The following SETDB1 variants were observed in gnomAD, a reference collection of about 807,000 sequenced individuals.
The protein encoded by SETDB1 is SET domain bifurcated histone lysine methyltransferase 1.
Under a neutral mutation model 137.4 loss-of-function variants are expected in SETDB1, and 31 were observed. That is an observed-to-expected ratio of 0.23 (90% confidence interval 0.17 to 0.30). The LOEUF (loss-of-function observed/expected upper bound fraction) is 0.30, where lower values mean the gene tolerates loss of function less well. Among genes scored for constraint, SETDB1 ranks in the 10% least tolerant of loss-of-function variants. The pLI is 1.00. For missense variants in SETDB1, 1,113 were observed against 1,631.5 expected, an observed-to-expected ratio of 0.68 and a Z score of 5.47; for synonymous variants, 548 against 579.9, an observed-to-expected ratio of 0.95 and a Z score of 0.79.
chr1:150,963,268 G>T, intron 19 of SETDB1, 129 bp downstream of exon 19: 1 of 871,374 alleles, frequency 1.1e-6, no homozygotes, highest in Non-Finnish European at 1.8e-6. Context: ...TCTCTGGGAG[G>T]GCTTTCTGAC....
chr1:150,959,668 T>C (rs1670760057), intron 15 of SETDB1, among the ~76,000 whole-genome samples: 1 of 152,212 alleles, frequency 6.6e-6, no homozygotes, highest in African/African-American at 2.4e-5. Flanking sequence ...CATAGCCCAG[T>C]ACTCTGTTTC....
intron 3 of SETDB1, among the ~76,000 whole-genome samples, chr1:150,933,358 C>T (rs1358028526): frequency 1.5e-5 from 2 of 130,362 alleles, no homozygotes; most frequent in Non-Finnish European, 3.2e-5. Context: ...CCATGCCTGG[C>T]CTATTTTGTC....
Position 150,941,400 on chromosome 1 carries a change from G to C in SETDB1, c.519G>C (p.Lys173Asn). 1 of 1,612,558 alleles carries C rather than the reference G, an allele frequency of 6.2e-7. No individual in the cohort carries two copies. The highest frequency in any genetic ancestry group is 8.5e-7 in the Non-Finnish European group (1 of 1,178,584). ...DVQKFMDAVN[K>N]KSSSQDLHKG... is the part of the protein sequence containing the mutation. ...AGAAGTTCATGGATGCTGTCAACAA[G>C]AAGAGCAGTTCCCAGGATCTGCATA... Residue 173 changes from lysine to asparagine, a missense_variant, in exon 5 of 22, where the codon AAG becomes AAC. Around this residue, in one of 11 missense-constraint regions of SETDB1, gnomAD observed 159 missense variants for 188.6 expected, o/e 0.84. Coordinates refer to ENST00000692827, the MANE Select transcript of SETDB1 (RefSeq NM_001366418.1).
chr1:150,952,341 T>C (rs780170242), intron 14 of SETDB1, among the ~76,000 whole-genome samples: 7 of 152,230 alleles, frequency 4.6e-5, no homozygotes, highest in Non-Finnish European at 8.8e-5. Flanking sequence ...GAGACATTGT[T>C]GCAGCTATGA....
chr1:150,959,107 T>A, intron 14 of SETDB1, 71 bp from the exon 15 acceptor site: 1 of 1,089,326 alleles, frequency 9.2e-7, no homozygotes, highest in Non-Finnish European at 1.3e-6. Flanking sequence ...TTAAGAATTA[T>A]AATAGTTTTA....
chr1:150,953,055 T>C (rs1258690369), intron 14 of SETDB1, among the ~76,000 whole-genome samples: 2 of 152,170 alleles, frequency 1.3e-5, no homozygotes, highest in African/African-American at 2.4e-5. Flanking sequence ...ATGTTGATAA[T>C]AGAGAAGGCG....
At chr1:150,957,098 C>A (rs1364367031) in intron 14 of SETDB1, among the ~76,000 whole-genome samples, 8 of 147,856 alleles carry the variant, frequency 5.4e-5, no homozygotes, top group Non-Finnish European at 8.9e-5. Flanking sequence ...GTCTGGGTGA[C>A]AGAGCAAGAC....
intron 9 of SETDB1, among the ~76,000 whole-genome samples, chr1:150,945,810 G>T (rs1156594418): frequency 1.3e-5 from 2 of 151,954 alleles, no homozygotes; most frequent in African/African-American, 2.4e-5. Context: ...TGCATCTTCC[G>T]CCTCCTGGGT....
At chr1:150,964,205 T>C (rs1232874921) in intron 21 of SETDB1, 42 bp from the exon 22 acceptor site, 3 of 1,577,518 alleles carry the variant, frequency 1.9e-6, no homozygotes, top group Non-Finnish European at 2.6e-6. Context: ...GCCTGGGTTA[T>C]CTGCTGTCTT....
intron 15 of SETDB1, among the ~76,000 whole-genome samples, chr1:150,959,548 G>C (rs1476720709): frequency 6.6e-6 from 1 of 152,052 alleles, no homozygotes; most frequent in Admixed American, 6.6e-5. Flanking sequence ...ACAAATAAGA[G>C]AATGAAAAGG....
At chr1:150,944,788 C>A in intron 8 of SETDB1, 130 bp from the exon 9 acceptor site, 1 of 975,766 alleles carries the variant, frequency 1.0e-6, no homozygotes, top group Non-Finnish European at 1.5e-6. Context: ...GCTTTGCTTC[C>A]CTTGAGGTTC....
intron 6 of SETDB1, 61 bp downstream of exon 6, chr1:150,942,749 G>T: frequency 6.3e-7 from 1 of 1,599,180 alleles, no homozygotes; most frequent in Non-Finnish European, 8.5e-7. Flanking sequence ...ACTGCTGATT[G>T]TTTCTTTTCC....
intron 13 of SETDB1, 109 bp downstream of exon 13, chr1:150,951,199 T>G (rs1670481815): frequency 4.6e-6 from 6 of 1,300,988 alleles, no homozygotes; most frequent in Non-Finnish European, 6.5e-6. Flanking sequence ...TTCCTTTACC[T>G]CCTCCCTCAC....
intron 3 of SETDB1, among the ~76,000 whole-genome samples, chr1:150,933,779 C>T (rs112798475): frequency 0.011 from 219 of 19,914 alleles, 3 homozygotes; most frequent in Middle Eastern, 0.025. Context: ...TTTTCTTTTT[C>T]TTTTTTTTTT....
At chr1:150,930,529 T>TC (rs1437330208) in intron 3 of SETDB1, 2 of 128,154 alleles carry the variant, frequency 1.6e-5, no homozygotes, top group Non-Finnish European at 3.2e-5. Flanking sequence ...CTTTTTTTTT[T>TC]TTTTTTTTTT....
Position 150,946,880 on chromosome 1 carries a change from C to G in SETDB1, c.1141-6C>G. The G allele has an allele frequency of 6.2e-7, 1 of 1,613,916 alleles. No homozygotes were observed. The highest frequency in any genetic ancestry group is 8.5e-7 in the Non-Finnish European group (1 of 1,179,838). On this transcript the variant is annotated splice_region_variant and splice_polypyrimidine_tract_variant and intron_variant, in intron 9 of 21. Transcript: ENST00000692827. Reference sequence around the variant, plus strand: ...TTCCCTTCATTCTTTTCTCTCAATTCCCCAGGATGACAAAAGATGTGAGTG... The same window carrying G: ...TTCCCTTCATTCTTTTCTCTCAATTGCCCAGGATGACAAAAGATGTGAGTG...
intron 10 of SETDB1, 48 bp downstream of exon 10, chr1:150,947,060 C>G: frequency 6.2e-7 from 1 of 1,608,804 alleles, no homozygotes; most frequent in Non-Finnish European, 8.5e-7. Context: ...GGCCAACCAG[C>G]AAAGGAGATT....
At chr1:150,945,166 G>A in intron 9 of SETDB1, 58 bp downstream of exon 9, 2 of 1,605,432 alleles carry the variant, frequency 1.2e-6, no homozygotes, top group Non-Finnish European at 1.7e-6. Flanking sequence ...AACTTAAGAA[G>A]CAGTAATGAG....
chr1:150,964,423 C>T lies in SETDB1; in HGVS notation c.*59C>T, dbSNP rs1670926477. 1 of 1,278,420 alleles carries T rather than the reference C, an allele frequency of 7.8e-7. No homozygotes were observed. Among genetic ancestry groups the T allele is most frequent in the African/African-American group, 1.5e-5 (1 of 68,120 alleles). The allele number at this position is 1,278,420 out of a possible 1,614,324, so 79.2% of individuals were successfully genotyped here. On this transcript the variant is annotated 3_prime_UTR_variant, in exon 22 of 22. Transcript: ENST00000692827. The stretch of plus-strand genomic sequence containing the variant: ...TCGTTTCCTCAGGAACTGGGTCTTC[C>T]TGATTGTTGAACCCTGACCCGAAGT...
Sources: gnomAD v4.1 joint callset for allele counts (sites outside exome capture counted in the v4.1 genomes callset) on GRCh38, gnomAD v4.1.1 for gene constraint, gnomAD v4.1.1 regional missense constraint, MANE v1.5 for transcripts, NCBI Gene and HGNC (gene_info 2026-07-23, HGNC 2026-07-21) for gene names.